Variants in PSD3 observed in about 807,000 individuals in gnomAD.
PSD3 encodes pleckstrin and Sec7 domain containing 3.
PSD3 carries 49 observed loss-of-function variants against 105.5 expected under a neutral mutation model. The ratio of observed to expected loss-of-function variants is 0.46; its 90% CI spans 0.37 to 0.59. PSD3 has a LOEUF of 0.59. Ranked by LOEUF, PSD3 falls within the 20% of genes least tolerant of loss-of-function variation. The pLI, the probability that PSD3 is intolerant of heterozygous loss-of-function variation, is 0.00. For synonymous variants in PSD3, 557 were observed against 457.8 expected, an observed-to-expected ratio of 1.22 and a Z score of -2.77; for missense variants, 1,561 against 1,263.8, an observed-to-expected ratio of 1.24 and a Z score of -3.57.
intron 2 of PSD3, among the ~76,000 whole-genome samples, chr8:18,879,037 A>AAC (rs1307153950): frequency 2.5e-5 from 3 of 118,088 alleles, no homozygotes; most frequent in Admixed American, 1.8e-4. Flanking sequence ...CAAACAAACA[A>AAC]ACACACACAC....
chr8:18,573,672 A>T (rs73211719), intron 13 of PSD3, among the ~76,000 whole-genome samples: 1 of 152,122 alleles, frequency 6.6e-6, no homozygotes, highest in Non-Finnish European at 1.5e-5. Flanking sequence ...TTTATGTTAA[A>T]TAAAAGAAGC....
intron 15 of PSD3, among the ~76,000 whole-genome samples, chr8:18,538,990 G>A (rs577202203): frequency 1.0e-3 from 152 of 152,224 alleles, no homozygotes; most frequent in African/African-American, 3.3e-3. Flanking sequence ...GTTTGCAAAC[G>A]CCGTGCCCCA....
intron 9 of PSD3, among the ~76,000 whole-genome samples, chr8:18,703,096 C>T (rs142312070): frequency 2.1e-3 from 323 of 151,962 alleles, no homozygotes; most frequent in Middle Eastern, 6.8e-3. Flanking sequence ...TTGAGAGTGT[C>T]GAGAGCTGAA....
rs147988642 is a variant in PSD3, at chr8:18,676,983, C to T, written c.2173-21298G>A. On this transcript the variant is annotated intron_variant, in intron 9 of 15. Coordinates refer to ENST00000327040, the MANE Select transcript of PSD3 (RefSeq NM_015310.4). Reference sequence around the variant, plus strand: ...ACATCCAAACCAAACACATCACCTACACTTTACTCAAGTGAAAATGGGTAA... The same window carrying T: ...ACATCCAAACCAAACACATCACCTATACTTTACTCAAGTGAAAATGGGTAA... Among the ~76,000 whole-genome samples, 3 of 152,340 alleles carry T rather than the reference C, an allele frequency of 2.0e-5. No individual in the cohort carries two copies. In the East Asian group the frequency reaches 5.8e-4, roughly 29 times the overall value.
intron 2 of PSD3, among the ~76,000 whole-genome samples, chr8:18,923,510 A>C (rs1181877110): frequency 6.6e-6 from 1 of 152,200 alleles, no homozygotes; most frequent in Non-Finnish European, 1.5e-5. Context: ...GATCCATAAG[A>C]TTATAATGCC....
intron 15 of PSD3, among the ~76,000 whole-genome samples, chr8:18,545,369 C>A (rs1294836126): frequency 6.6e-6 from 1 of 152,092 alleles, no homozygotes; most frequent in Non-Finnish European, 1.5e-5. Context: ...AAGGTCCCAC[C>A]CAGCTTGGCC....
intron 1 of PSD3, among the ~76,000 whole-genome samples, chr8:18,940,979 C>G (rs902132305): frequency 6.6e-6 from 1 of 152,188 alleles, no homozygotes; most frequent in Non-Finnish European, 1.5e-5. Context: ...ATTCTTGAAG[C>G]TGTGAGCCCC....
At chr8:18,834,372 C>T (rs1466402490) in intron 4 of PSD3, among the ~76,000 whole-genome samples, 1 of 152,080 alleles carries the variant, frequency 6.6e-6, no homozygotes, top group African/African-American at 2.4e-5. Context: ...CTTTTGGGTA[C>T]CCATAAGAGA....
At chr8:18,914,473 G>A (rs1018948954) in intron 2 of PSD3, among the ~76,000 whole-genome samples, 1 of 152,064 alleles carries the variant, frequency 6.6e-6, no homozygotes, top group African/African-American at 2.4e-5. Flanking sequence ...AAATCCTAAA[G>A]AGTCCACCAA....
At chr8:19,075,280 T>C (rs578162975) in intron 1 of PSD3, among the ~76,000 whole-genome samples, 63 of 152,342 alleles carry the variant, frequency 4.1e-4, no homozygotes, top group Admixed American at 5.9e-4. Flanking sequence ...AGATTTATTT[T>C]CCTTGTAGAG....
intron 4 of PSD3, among the ~76,000 whole-genome samples, chr8:18,823,612 C>G (rs1243889949): frequency 6.6e-6 from 1 of 152,168 alleles, no homozygotes; most frequent in Non-Finnish European, 1.5e-5. Flanking sequence ...CGTTTCTACA[C>G]CTTGTCACAC....
intron 1 of PSD3, among the ~76,000 whole-genome samples, chr8:19,084,032 G>A (rs999371163): frequency 1.3e-5 from 2 of 152,232 alleles, no homozygotes; most frequent in African/African-American, 4.8e-5. Context: ...AGGTGGCAGA[G>A]GACAGAGCAA....
At chr8:18,902,001 C>T (rs989225593) in intron 2 of PSD3, among the ~76,000 whole-genome samples, 2 of 151,454 alleles carry the variant, frequency 1.3e-5, no homozygotes, top group Non-Finnish European at 2.9e-5. Flanking sequence ...ATAAATGTGC[C>T]TCAGGCAAAA....
At chr8:18,662,050 A>G (rs1809387227) in intron 9 of PSD3, among the ~76,000 whole-genome samples, 1 of 152,082 alleles carries the variant, frequency 6.6e-6, no homozygotes, top group Admixed American at 6.6e-5. Flanking sequence ...ACATGTAAAC[A>G]GAGCTGAAAT....
At chr8:18,666,014 G>A (rs897959486) in intron 9 of PSD3, among the ~76,000 whole-genome samples, 3 of 152,198 alleles carry the variant, frequency 2.0e-5, no homozygotes, top group Non-Finnish European at 2.9e-5. Context: ...ACTTGCTGAA[G>A]GCTCCAATGA....
At chr8:18,754,072 C>A (rs1283424205) in intron 9 of PSD3, among the ~76,000 whole-genome samples, 2 of 152,146 alleles carry the variant, frequency 1.3e-5, no homozygotes, top group Non-Finnish European at 2.9e-5. Flanking sequence ...ACTGAGAAAA[C>A]AATTGTTTCT....
intron 1 of PSD3, among the ~76,000 whole-genome samples, chr8:18,938,498 C>A (rs987908626): frequency 6.6e-6 from 1 of 152,096 alleles, no homozygotes; most frequent in Non-Finnish European, 1.5e-5. Flanking sequence ...AGCCATGCAC[C>A]TGTGATCCCA....
intron 10 of PSD3, among the ~76,000 whole-genome samples, chr8:18,644,889 C>T (rs1171737507): frequency 1.3e-5 from 2 of 152,192 alleles, no homozygotes; most frequent in African/African-American, 4.8e-5. Context: ...GTATTGGAGG[C>T]TGGAAGTTCA....
intron 13 of PSD3, among the ~76,000 whole-genome samples, 186 bp from the exon 14 acceptor site, chr8:18,572,858 G>T (rs1023740121): frequency 4.6e-5 from 7 of 152,102 alleles, no homozygotes; most frequent in African/African-American, 1.7e-4. Flanking sequence ...AAGAAGCTAT[G>T]ATCATCACAG....
Sources: gnomAD v4.1 joint callset for allele counts (sites outside exome capture counted in the v4.1 genomes callset) on GRCh38, gnomAD v4.1.1 for gene constraint, MANE v1.5 for transcripts, NCBI Gene and HGNC (gene_info 2026-07-23, HGNC 2026-07-21) for gene names.